Variants in CLMN observed in about 807,000 individuals in gnomAD.
The protein encoded by CLMN is calmin (calponin-like, transmembrane).
A neutral mutation model predicts 92.7 loss-of-function variants in CLMN; 57 were observed. The ratio of observed to expected loss-of-function variants is 0.61; its 90% CI spans 0.50 to 0.77. CLMN has a LOEUF of 0.77. Among genes scored for constraint, CLMN ranks in the 30% least tolerant of loss-of-function variants. CLMN has a pLI of 0.00. For missense variants in CLMN, 1,158 were observed against 1,237.5 expected (o/e 0.94, Z 0.96); for synonymous variants, 466 against 470.6 (o/e 0.99, Z 0.13).
chr14:95,232,228 G>A (rs984280872), intron 1 of CLMN, among the ~76,000 whole-genome samples: 1 of 152,196 alleles, frequency 6.6e-6, no homozygotes, highest in Admixed American at 6.5e-5. Flanking sequence ...CAGCCTCCTC[G>A]GCTGTGAGCT....
chr14:95,276,461 A>C (rs1899931657), intron 1 of CLMN, among the ~76,000 whole-genome samples: 1 of 152,164 alleles, frequency 6.6e-6, no homozygotes, highest in Non-Finnish European at 1.5e-5. Context: ...CAAAGGGGGA[A>C]CTTGGGAGCT....
At chr14:95,315,449 G>A (rs1901721702) in intron 1 of CLMN, among the ~76,000 whole-genome samples, 2 of 152,164 alleles carry the variant, frequency 1.3e-5, no homozygotes, top group Non-Finnish European at 2.9e-5. Flanking sequence ...GCTGGGTGGT[G>A]GGTGGAAAGC....
chr14:95,307,435 T>G (rs1264101049), intron 1 of CLMN: 2 of 152,304 alleles, frequency 1.3e-5, no homozygotes, highest in Non-Finnish European at 2.9e-5. Flanking sequence ...CTACACAGCC[T>G]CAACCTAGGA....
intron 1 of CLMN, among the ~76,000 whole-genome samples, chr14:95,245,190 AT>A (rs1898430135): frequency 1.1e-4 from 4 of 37,474 alleles, no homozygotes; most frequent in African/African-American, 3.8e-4. Flanking sequence ...ATATATATAT[AT>A]ATAATATATA....
At position 95,187,300 on chromosome 14, in the gene CLMN, T is replaced by C. The variant is rs1190210039; in HGVS notation, c.*4264A>G. ...AAAATAGGAGCAGAGGAATGAAAGT[T>C]ATATTAATACAACCATGAACACAGA... On this transcript the variant is annotated 3_prime_UTR_variant, in exon 13 of 13. Transcript: ENST00000298912. 1 of 152,224 alleles carries C rather than the reference T, an allele frequency of 6.6e-6. No homozygotes were observed. Among genetic ancestry groups the C allele is most frequent in the African/African-American group, 2.4e-5 (1 of 41,438 alleles). The allele number at this position is 152,224 out of a possible 1,614,324, so 9.4% of individuals were successfully genotyped here. A position where few individuals can be genotyped will look rare whatever the true frequency, so the allele number is the denominator to read the frequency against.
At chr14:95,219,738 T>A (rs145229860) in intron 4 of CLMN, among the ~76,000 whole-genome samples, 14 of 152,352 alleles carry the variant, frequency 9.2e-5, no homozygotes, top group African/African-American at 3.4e-4. Context: ...TGTCATTGAC[T>A]CAACAGAAAG....
At chr14:95,200,072 T>A (rs1271033899) in intron 9 of CLMN, among the ~76,000 whole-genome samples, 1 of 152,186 alleles carries the variant, frequency 6.6e-6, no homozygotes, top group African/African-American at 2.4e-5. Flanking sequence ...GGGAAGGGTC[T>A]GAGATAGAGG....
At position 95,191,885 on chromosome 14, in the gene CLMN, T is replaced by C; in HGVS notation, c.2841-153A>G. On this transcript the variant is annotated intron_variant, in intron 12 of 12. Coordinates refer to ENST00000298912, the MANE Select transcript of CLMN (RefSeq NM_024734.4). This position sits in a 1 kb window ranked among gnomAD's most constrained non-coding sequence, Gnocchi z 5.3. ...ATGTCCAGGTAGGCCCCACACTGTG[T>C]GTACTGGCCCAAGGCAGTGCGTCGG... 1 of 670,358 alleles carries C rather than the reference T, an allele frequency of 1.5e-6. No homozygotes were observed. The highest frequency in any genetic ancestry group is 2.5e-6 in the Non-Finnish European group (1 of 407,392). The allele number at this position is 670,358 out of a possible 1,614,324, so 41.5% of individuals were successfully genotyped here.
intron 1 of CLMN, among the ~76,000 whole-genome samples, chr14:95,286,988 A>G (rs747391068): frequency 1.9e-4 from 29 of 152,230 alleles, no homozygotes; most frequent in Non-Finnish European, 3.7e-4. Flanking sequence ...CAAAAAGGCC[A>G]GATGCCACAC....
chr14:95,275,883 G>A (rs1156523043), intron 1 of CLMN, among the ~76,000 whole-genome samples: 4 of 151,898 alleles, frequency 2.6e-5, no homozygotes, highest in African/African-American at 9.7e-5. Context: ...GGTTGGTCTC[G>A]AGCACCTGAG....
chr14:95,281,404 TA>T (rs2140740604), intron 1 of CLMN, among the ~76,000 whole-genome samples: 1 of 152,370 alleles, frequency 6.6e-6, no homozygotes, highest in East Asian at 1.9e-4. Flanking sequence ...GTCCTACTGT[TA>T]CTTCTTTTTA....
chr14:95,279,553 G>C (rs979203329), intron 1 of CLMN, among the ~76,000 whole-genome samples: 2 of 152,242 alleles, frequency 1.3e-5, no homozygotes, highest in Admixed American at 6.5e-5. Context: ...GGAGGCCCAG[G>C]TGGGCGGATC....
chr14:95,254,759 G>A (rs1464941330), intron 1 of CLMN, among the ~76,000 whole-genome samples: 1 of 152,194 alleles, frequency 6.6e-6, no homozygotes, highest in Non-Finnish European at 1.5e-5. Flanking sequence ...GTGCAGTGGT[G>A]CAATTACGGC....
chr14:95,297,781 C>G (rs527411779), intron 1 of CLMN, among the ~76,000 whole-genome samples: 1 of 150,934 alleles, frequency 6.6e-6, no homozygotes, highest in Non-Finnish European at 1.5e-5. Flanking sequence ...TTGGACTGTG[C>G]CCAGTTTTTG....
intron 1 of CLMN, among the ~76,000 whole-genome samples, chr14:95,250,916 G>GGAGA (rs1249176375): frequency 6.6e-6 from 1 of 152,168 alleles, no homozygotes; most frequent in Non-Finnish European, 1.5e-5. Flanking sequence ...TGGGAGGGGA[G>GGAGA]GAGAATGGAA....
chr14:95,245,194 A>ATATAT (rs1491250953), intron 1 of CLMN, among the ~76,000 whole-genome samples: 4 of 35,494 alleles, frequency 1.1e-4, no homozygotes, highest in Non-Finnish European at 1.8e-4. Flanking sequence ...ATATATATAT[A>ATATAT]ATATATATAT....
chr14:95,274,893 C>T (rs537260251), intron 1 of CLMN, among the ~76,000 whole-genome samples: 5 of 151,388 alleles, frequency 3.3e-5, no homozygotes, highest in African/African-American at 1.2e-4. Context: ...GCAGGAGAAT[C>T]GCTTGAACCC....
At position 95,202,868 on chromosome 14, in the gene CLMN, G is replaced by A; in HGVS notation, c.2481C>T (p.Thr827=). The A allele has an allele frequency of 6.5e-7, 1 of 1,548,296 alleles. No homozygotes were observed. Among genetic ancestry groups the A allele is most frequent in the South Asian group, 1.3e-5 (1 of 79,686 alleles). ...APHEDHQQRE[T]KENDPMDSHQ... is the part of the protein sequence containing the mutation. ...GGCTGTCCATGGGGTCATTCTCTTT[G>A]GTCTCCCTTTGCTGGTGGTCCTCAT... is the stretch of plus-strand genomic sequence containing the variant. The change falls in exon 9 of 13, where the codon ACC becomes ACT. Residue 827 remains threonine (T), a synonymous_variant. Transcript: ENST00000298912.
At position 95,190,791 on chromosome 14, in the gene CLMN, T is replaced by C. The variant is rs1432694319; in HGVS notation, c.*773A>G. On this transcript the variant is annotated 3_prime_UTR_variant, in exon 13 of 13. Coordinates refer to ENST00000298912, the MANE Select transcript of CLMN (RefSeq NM_024734.4). ...CAGCCCAGCCACTCCTCATGGCTTT[T>C]ATATGGCCCTGCTGGGCCCTGGCGA... The C allele has an allele frequency of 6.6e-6, 1 of 152,216 alleles. No individual in the cohort carries two copies. Among genetic ancestry groups the C allele is most frequent in the South Asian group, 2.1e-4 (1 of 4,832 alleles). 9.4% of individuals were successfully genotyped at this position (152,216 alleles called of 1,614,324 possible).
Sources: allele counts gnomAD v4.1 joint callset (sites outside exome capture counted in the v4.1 genomes callset), GRCh38; gene constraint gnomAD v4.1.1; non-coding constraint Gnocchi (gnomAD v3.1); transcripts MANE v1.5; gene names NCBI Gene and HGNC (gene_info 2026-07-23, HGNC 2026-07-21).